ZFYVE28: variants seen among roughly 807,000 people sequenced by gnomAD.
ZFYVE28 encodes the protein lateral signaling target protein 2 homolog.
Under a neutral mutation model 82.1 loss-of-function variants are expected in ZFYVE28, and 40 were observed. The ratio of observed to expected loss-of-function variants is 0.49; its 90% CI spans 0.38 to 0.63. The LOEUF is 0.63. Among genes scored for constraint, ZFYVE28 ranks in the 30% least tolerant of loss-of-function variants. The pLI is 0.00. For missense variants in ZFYVE28, 1,321 were observed against 1,242.1 expected, an observed-to-expected ratio of 1.06 and a Z score of -0.96; for synonymous variants, 612 against 546.1, an observed-to-expected ratio of 1.12 and a Z score of -1.68.
At chr4:2,354,197 G>T (rs182697423) in intron 1 of ZFYVE28, 124 bp from the exon 2 acceptor site, 8 of 1,121,704 alleles carry the variant, frequency 7.1e-6, no homozygotes, top group Non-Finnish European at 8.3e-6. Context: ...AGCAGCAGCC[G>T]GCTCTTTTAT....
At chr4:2,378,273 G>A (rs150964036) in intron 1 of ZFYVE28, among the ~76,000 whole-genome samples, 310 of 152,242 alleles carry the variant, frequency 2.0e-3, no homozygotes, top group Middle Eastern at 6.8e-3. Context: ...CCCGGGAGGC[G>A]GAAGTTGCAG....
rs535441711 is a variant in ZFYVE28 at position 2,341,487 on chromosome 4, G to A, written c.309C>T (p.Phe103=). ...GGTGGCCACCCGCTACCTCGGCACCGAACCACAGCTGGCCGGCCAGGTTGT... is the reference window on the plus strand; with the variant it reads ...GGTGGCCACCCGCTACCTCGGCACCAAACCACAGCTGGCCGGCCAGGTTGT... ...RHDNLAGQLW[F]GAECLAAGSI... Residue 103 remains phenylalanine (F), a synonymous_variant, in exon 3 of 13, where the codon TTC becomes TTT. Coordinates refer to ENST00000290974, the MANE Select transcript of ZFYVE28 (RefSeq NM_020972.3). This position sits in a 1 kb window ranked among gnomAD's most constrained non-coding sequence, Gnocchi z 4.5. 131 of 1,610,814 alleles carry A rather than the reference G, an allele frequency of 8.1e-5. No homozygotes were observed. The South Asian group carries it at 1.1e-3, about 13-fold the overall frequency.
In ZFYVE28 at chr4:2,304,384, C is replaced by T; in HGVS notation, c.1956G>A (p.Glu652=). 2 of 1,612,650 alleles carry T rather than the reference C, an allele frequency of 1.2e-6. No homozygotes were observed. Among genetic ancestry groups the T allele is most frequent in the Non-Finnish European group, 8.5e-7 (1 of 1,180,018 alleles). Residue 652 remains glutamate (E), a synonymous_variant, in exon 8 of 13, where the codon GAG becomes GAA. Coordinates refer to ENST00000290974, the MANE Select transcript of ZFYVE28 (RefSeq NM_020972.3). ...QVDTASGLQG[E]AGVAGQQEPE... is the part of the protein sequence containing the mutation. ...GCTCCTGCTGACCTGCAACCCCAGC[C>T]TCTCCTTGCAGCCCACTCGCTGTGT...
intron 7 of ZFYVE28, among the ~76,000 whole-genome samples, chr4:2,311,343 G>C (rs1717444235): frequency 6.6e-6 from 1 of 152,152 alleles, no homozygotes; most frequent in African/African-American, 2.4e-5. Context: ...GGCCAACACA[G>C]TGAAACCCTG....
At chr4:2,334,979 A>G (rs1199221134) in intron 6 of ZFYVE28, among the ~76,000 whole-genome samples, 1 of 149,280 alleles carries the variant, frequency 6.7e-6, no homozygotes, top group East Asian at 2.0e-4. Flanking sequence ...GGTGTGGATG[A>G]GCAGCCTGAC....
intron 6 of ZFYVE28, among the ~76,000 whole-genome samples, chr4:2,323,124 C>G (rs1456188285): frequency 6.6e-6 from 1 of 152,182 alleles, no homozygotes; most frequent in Non-Finnish European, 1.5e-5. Flanking sequence ...TTTAAGGAAC[C>G]ACCAACTGTT....
At chr4:2,346,100 G>C (rs559049153) in intron 2 of ZFYVE28, among the ~76,000 whole-genome samples, 1 of 151,630 alleles carries the variant, frequency 6.6e-6, no homozygotes, top group Admixed American at 6.6e-5. Context: ...AGGCCAGGGC[G>C]GGTGGATCAC....
At chr4:2,292,655 A>G (rs1713913035) in intron 8 of ZFYVE28, among the ~76,000 whole-genome samples, 1 of 152,184 alleles carries the variant, frequency 6.6e-6, no homozygotes, top group South Asian at 2.1e-4. Context: ...AAAGACATTG[A>G]TTTTGTAGTC....
chr4:2,409,430 C>A lies in ZFYVE28; in HGVS notation c.39+8855G>T, dbSNP rs76828738. 6.6e-6 allele frequency among the ~76,000 whole-genome samples: 1 copy of A among 152,096 alleles called. No homozygotes were observed. On this transcript the variant is annotated intron_variant, in intron 1 of 12. Transcript: ENST00000290974. The surrounding 1 kb of genome is among the most constrained non-coding windows in gnomAD (Gnocchi z 4.4). ...CCCACCTTCCTTGCCTGTGACCCAT[C>A]CCCAGGCGACCTCCCAACCCCATCT...
chr4:2,290,276 C>T (rs1713417571), intron 8 of ZFYVE28, among the ~76,000 whole-genome samples: 1 of 152,192 alleles, frequency 6.6e-6, no homozygotes, highest in Non-Finnish European at 1.5e-5. Flanking sequence ...TGACCACAAG[C>T]CTGCCTGCCT....
At chr4:2,312,725 T>TAA (rs1717651325) in intron 7 of ZFYVE28, among the ~76,000 whole-genome samples, 2 of 30,174 alleles carry the variant, frequency 6.6e-5, no homozygotes, top group African/African-American at 1.8e-4. Context: ...AGACTCTGCC[T>TAA]CAAAAAAAAA....
chr4:2,331,366 G>A (rs2108847847), intron 6 of ZFYVE28, among the ~76,000 whole-genome samples: 1 of 152,144 alleles, frequency 6.6e-6, no homozygotes, highest in Admixed American at 6.5e-5. Context: ...CCGGGGCTGG[G>A]CACGGTACCT....
chr4:2,312,588 T>C (rs682603), intron 7 of ZFYVE28, among the ~76,000 whole-genome samples: 121,419 of 151,318 alleles, frequency 0.8, 49,449 homozygotes, highest in African/African-American at 0.94. Flanking sequence ...ATTAGCCGGG[T>C]GTGGTGGCGG....
At position 2,416,940 on chromosome 4, in the gene ZFYVE28, CCT is replaced by C. The variant is rs1041774010; in HGVS notation, c.39+1343_39+1344del. ...CCGTGAAGCACGCGCCCTTCGGGGC[CCT>C]GAGTGAGCCCTCAAACCTCCGTGCC... On this transcript the variant is annotated intron_variant, in intron 1 of 12. Coordinates refer to ENST00000290974, the MANE Select transcript of ZFYVE28 (RefSeq NM_020972.3). This position sits in a 1 kb window ranked among gnomAD's most constrained non-coding sequence, Gnocchi z 4.6. 8.5e-5 allele frequency among the ~76,000 whole-genome samples: 13 copies of C among 152,264 alleles called. No homozygotes were observed. Among genetic ancestry groups the C allele is most frequent in the Non-Finnish European group, 1.5e-4 (10 of 68,048 alleles).
intron 8 of ZFYVE28, among the ~76,000 whole-genome samples, chr4:2,297,425 G>A (rs370577271): frequency 5.3e-5 from 8 of 152,350 alleles, no homozygotes; most frequent in East Asian, 1.9e-4. Context: ...CAGGCCACAC[G>A]GAGGAGTCGC....
chr4:2,344,742 C>T (rs1189830690), intron 2 of ZFYVE28, among the ~76,000 whole-genome samples: 1 of 151,944 alleles, frequency 6.6e-6, no homozygotes, highest in Non-Finnish European at 1.5e-5. Context: ...ACTAAAAATA[C>T]ACAATTAGCC....
At position 2,270,813 on chromosome 4, in the gene ZFYVE28, C is replaced by T. The variant is rs765407347; in HGVS notation, c.2576G>A (p.Arg859His). The change falls in exon 13 of 13, where the codon CGC (arginine) becomes CAC (histidine). Residue 859 changes from arginine to histidine, a missense_variant. Physicochemically the swap from Arg to His is conservative, Grantham distance 29. Around this residue, in one of 2 missense-constraint regions of ZFYVE28, gnomAD observed 978 missense variants for 833.7 expected, o/e 1.17. Coordinates refer to ENST00000290974, the MANE Select transcript of ZFYVE28 (RefSeq NM_020972.3). ...TCGGACCGGCTTCACCTGCCCGTAG[C>T]GGGGCAGCGGTGCTGAGTGCGAGGA... The part of the protein sequence containing the change: ...RCSSHSAPLP[R>H]YGQVKPVRVC... 1.1e-5 allele frequency: 17 copies of T among 1,612,930 alleles called. No homozygotes were observed. Among genetic ancestry groups the T allele is most frequent in the African/African-American group, 1.3e-5 (1 of 74,928 alleles).
At position 2,341,379 on chromosome 4, in the gene ZFYVE28, G is replaced by A. The variant is rs1722772513; in HGVS notation, c.318+99C>T. ...GACGGAGCTCTTGGAGGAGACACCA[G>A]GTCCCGGCACCTGCAGGCGCCCATG... On this transcript the variant is annotated intron_variant, in intron 3 of 12. Coordinates refer to ENST00000290974, the MANE Select transcript of ZFYVE28 (RefSeq NM_020972.3). This position sits in a 1 kb window ranked among gnomAD's most constrained non-coding sequence, Gnocchi z 4.5. The A allele has an allele frequency of 6.6e-7, 1 of 1,503,888 alleles. No individual in the cohort carries two copies. The highest frequency in any genetic ancestry group is 2.5e-5 in the East Asian group (1 of 40,800). The allele number at this position is 1,503,888 out of a possible 1,614,324, so 93.2% of individuals were successfully genotyped here.
chr4:2,300,490 G>A lies in ZFYVE28; in HGVS notation c.2051+3799C>T, dbSNP rs544122073. 1.2e-4 allele frequency among the ~76,000 whole-genome samples: 18 copies of A among 152,304 alleles called. No homozygotes were observed. The highest frequency in any genetic ancestry group is 4.1e-4 in the African/African-American group (17 of 41,568). ...TGATTCACTGCTGTCTGTCGAGGAC[G>A]ATGTCCGGACTCCCAGGTGACAGCA... On this transcript the variant is annotated intron_variant, in intron 8 of 12. Transcript: ENST00000290974. The surrounding 1 kb of genome is among the most constrained non-coding windows in gnomAD (Gnocchi z 4.6).
Sources: allele counts gnomAD v4.1 joint callset (sites outside exome capture counted in the v4.1 genomes callset), GRCh38; gene constraint gnomAD v4.1.1; regional missense constraint gnomAD v4.1.1; non-coding constraint Gnocchi (gnomAD v3.1); transcripts MANE v1.5; gene names NCBI Gene and HGNC (gene_info 2026-07-23, HGNC 2026-07-21).